The following TAB2 variants were observed in gnomAD, a reference collection of about 807,000 sequenced individuals.
TAB2 encodes TGF-beta activated kinase 1 (MAP3K7) binding protein 2, also known as TGF-beta-activated kinase 1 and MAP3K7-binding protein 2.
A neutral mutation model predicts 65.0 loss-of-function variants in TAB2; 3 were observed. That is an observed-to-expected ratio of 0.05 (90% CI 0.02 to 0.12). The LOEUF (loss-of-function observed/expected upper bound fraction) is 0.12. Ranked by LOEUF, TAB2 falls within the 10% of genes least tolerant of loss-of-function variation. The pLI, the probability that TAB2 is intolerant of heterozygous loss-of-function variation, is 1.00. For missense variants in TAB2, 623 were observed against 840.3 expected (o/e 0.74, Z 3.20); for synonymous variants, 298 against 285.1 (o/e 1.05, Z -0.46).
chr6:149,289,861 G>T (rs918007761), intron 1 of TAB2, among the ~76,000 whole-genome samples: 1 of 152,160 alleles, frequency 6.6e-6, no homozygotes, highest in African/African-American at 2.4e-5. Context: ...GTTCTGTCCG[G>T]AAAGAAGGAA....
chr6:149,268,833 G>A (rs4897102), intron 1 of TAB2, among the ~76,000 whole-genome samples: 2 of 151,968 alleles, frequency 1.3e-5, no homozygotes, highest in Non-Finnish European at 2.9e-5. Context: ...ATAAAAACTT[G>A]TTTATAAAAC....
intron 1 of TAB2, among the ~76,000 whole-genome samples, chr6:149,333,873 A>G (rs1779857088): frequency 6.6e-6 from 1 of 152,140 alleles, no homozygotes; most frequent in Admixed American, 6.6e-5. Flanking sequence ...AGTGCTTTGC[A>G]TTAAGCATCT....
intron 6 of TAB2, among the ~76,000 whole-genome samples, chr6:149,402,207 A>C (rs1466847705): frequency 6.6e-6 from 1 of 152,080 alleles, no homozygotes; most frequent in Non-Finnish European, 1.5e-5. Context: ...AAATTGAGAA[A>C]AAAAGGAGAC....
chr6:149,339,862 CA>C, intron 1 of TAB2, among the ~76,000 whole-genome samples: 1 of 152,066 alleles, frequency 6.6e-6, no homozygotes. Flanking sequence ...CTCAGCCTCC[CA>C]AAGTGCTGAG....
At chr6:149,310,736 G>GA (rs1217281104) in intron 1 of TAB2, among the ~76,000 whole-genome samples, 3 of 152,080 alleles carry the variant, frequency 2.0e-5, no homozygotes, top group Admixed American at 6.5e-5. Flanking sequence ...TTCAATACAT[G>GA]AAAAAATCTA....
chr6:149,241,092 C>T (rs143259920), intron 1 of TAB2, among the ~76,000 whole-genome samples: 3,212 of 152,184 alleles, frequency 0.021, 50 homozygotes, highest in South Asian at 0.068. Context: ...AAGGACACAG[C>T]AAGAAGGTTT....
chr6:149,225,164 A>C (rs928347373), intron 1 of TAB2, among the ~76,000 whole-genome samples: 11 of 152,228 alleles, frequency 7.2e-5, no homozygotes, highest in African/African-American at 2.7e-4. Flanking sequence ...TACGCCAAAC[A>C]CCGGAAATGG....
At chr6:149,247,437 C>T (rs1777745567) in intron 1 of TAB2, 1 of 152,152 alleles carries the variant, frequency 6.6e-6, no homozygotes, top group South Asian at 2.1e-4. Context: ...AGCATGGGGT[C>T]CTCTCGTCAG....
At chr6:149,396,597 T>G (rs1283492299) in intron 3 of TAB2, among the ~76,000 whole-genome samples, 1 of 152,248 alleles carries the variant, frequency 6.6e-6, no homozygotes, top group Non-Finnish European at 1.5e-5. Context: ...GTATCTTCAC[T>G]TCCAGTCCAG....
chr6:149,222,474 G>A (rs1350123622), intron 1 of TAB2, among the ~76,000 whole-genome samples: 4 of 151,892 alleles, frequency 2.6e-5, no homozygotes, highest in African/African-American at 7.3e-5. Context: ...AAAAATTAGC[G>A]AGGCATGGTG....
chr6:149,386,887 T>G (rs535421512), intron 3 of TAB2, among the ~76,000 whole-genome samples: 197 of 152,384 alleles, frequency 1.3e-3, no homozygotes, highest in South Asian at 3.5e-3. Flanking sequence ...TCATTTCATG[T>G]GCTTACTGGC....
chr6:149,364,980 G>C (rs909470289), intron 1 of TAB2, among the ~76,000 whole-genome samples: 4 of 151,840 alleles, frequency 2.6e-5, no homozygotes, highest in African/African-American at 9.7e-5. Context: ...AGAAAGGAAA[G>C]AATATGGCAC....
chr6:149,316,919 T>C (rs1356467265), upstream of TAB2, among the ~76,000 whole-genome samples: 1 of 151,750 alleles, frequency 6.6e-6, no homozygotes, highest in Non-Finnish European at 1.5e-5. Flanking sequence ...TCTGCACGGG[T>C]CCCTCCCGTT....
intron 1 of TAB2, among the ~76,000 whole-genome samples, chr6:149,234,327 C>T (rs1440220508): frequency 1.3e-5 from 2 of 152,134 alleles, no homozygotes; most frequent in African/African-American, 2.4e-5. Flanking sequence ...GAAACCATAA[C>T]CCCCTAGAGG....
rs761346835 is a variant in TAB2, at chr6:149,348,975, T to TA, written c.-89-20934_-89-20933insA. ...AGAGCAAAACTCCATCTCAAAAAAT[T>TA]TAAAAAAAAAATCTTAAAGATAATT... On this transcript the variant is annotated intron_variant, in intron 1 of 6. Coordinates refer to ENST00000637181, the MANE Select transcript of TAB2 (RefSeq NM_001292034.3). 8.2e-3 allele frequency among the ~76,000 whole-genome samples: 1,195 copies of TA among 145,396 alleles called. 11 individuals carry two copies. The highest frequency in any genetic ancestry group is 0.025 in the African/African-American group (1,009 of 39,780).
At chr6:149,360,436 G>A (rs768482597) in intron 1 of TAB2, among the ~76,000 whole-genome samples, 5 of 152,288 alleles carry the variant, frequency 3.3e-5, no homozygotes, top group Admixed American at 3.3e-4. Context: ...CAAGGGAGGA[G>A]GAAGTTTTAA....
intron 1 of TAB2, among the ~76,000 whole-genome samples, chr6:149,281,691 G>A (rs886109128): frequency 2.6e-5 from 4 of 151,552 alleles, no homozygotes; most frequent in Admixed American, 6.6e-5. Context: ...TAACCTTATC[G>A]GTAATCATAT....
intron 1 of TAB2, among the ~76,000 whole-genome samples, chr6:149,304,643 T>C (rs796999816): frequency 3.3e-4 from 51 of 152,272 alleles, no homozygotes; most frequent in African/African-American, 1.1e-3. Context: ...CACAAAGCAG[T>C]TGGCTTTACA....
intron 1 of TAB2, among the ~76,000 whole-genome samples, chr6:149,236,294 T>C (rs1433971591): frequency 6.6e-6 from 1 of 152,238 alleles, no homozygotes; most frequent in Non-Finnish European, 1.5e-5. Context: ...ATTTGAGGTA[T>C]TCAAGCGTAA....
Sources: gnomAD v4.1 joint callset for allele counts (sites outside exome capture counted in the v4.1 genomes callset) on GRCh38, gnomAD v4.1.1 for gene constraint, MANE v1.5 for transcripts, NCBI Gene and HGNC (gene_info 2026-07-23, HGNC 2026-07-21) for gene names.